The following AARSD1 variants were observed in gnomAD, a reference collection of about 807,000 sequenced individuals.
AARSD1 encodes alanyl-tRNA synthetase domain containing 1, also known as alanyl-tRNA editing protein Aarsd1.
A neutral mutation model predicts 48.7 loss-of-function variants in AARSD1; 44 were observed. The observed-to-expected ratio is 0.90, with a 90% confidence interval of 0.71 to 1.16. The LOEUF (loss-of-function observed/expected upper bound fraction) is 1.16. Ranked by LOEUF, AARSD1 falls within the 50% of genes most tolerant of loss-of-function variation. The pLI is 0.00. For synonymous variants in AARSD1, 189 were observed against 194.9 expected (o/e 0.97, Z 0.25); for missense variants, 511 against 523.1 (o/e 0.98, Z 0.23).
intron 3 of AARSD1, among the ~76,000 whole-genome samples, chr17:42,960,253 G>A (rs2049615996): frequency 6.6e-6 from 1 of 151,666 alleles, no homozygotes; most frequent in Admixed American, 6.6e-5. Context: ...GGGCGACAGA[G>A]CGAGACTCCA....
At chr17:42,961,101 C>T (rs1172722223) in intron 3 of AARSD1, 91 bp downstream of exon 3, 1 of 1,454,870 alleles carries the variant, frequency 6.9e-7, no homozygotes, top group African/African-American at 1.5e-5. Context: ...AAAAGGTTAA[C>T]TCCTAGAGAA....
At chr17:42,963,402 CA>C (rs902336400) in intron 2 of AARSD1, among the ~76,000 whole-genome samples, 137 of 131,342 alleles carry the variant, frequency 1.0e-3, no homozygotes, top group African/African-American at 1.7e-3. Context: ...GATTCTGTCT[CA>C]AAAAAAAAAA....
chr17:42,958,845 G>A (rs907611567), intron 3 of AARSD1, among the ~76,000 whole-genome samples: 2 of 151,540 alleles, frequency 1.3e-5, no homozygotes, highest in African/African-American at 4.8e-5. Context: ...TGGGATTACA[G>A]GCATGAGCCA....
intron 10 of AARSD1, among the ~76,000 whole-genome samples, chr17:42,952,819 CTTT>C (rs111718176): frequency 2.9e-5 from 4 of 138,472 alleles, no homozygotes; most frequent in Non-Finnish European, 6.3e-5. Flanking sequence ...CCTGTATTTA[CTTT>C]TTTTTTTTTT....
At chr17:42,954,248 C>G (rs7213940) in intron 9 of AARSD1, among the ~76,000 whole-genome samples, 2 of 152,012 alleles carry the variant, frequency 1.3e-5, no homozygotes, top group South Asian at 4.1e-4. Context: ...CCCAGCTACT[C>G]GGGAGGCTGA....
At chr17:42,957,373 C>G (rs936021851) in intron 3 of AARSD1, 178 bp from the exon 4 acceptor site, 1 of 655,430 alleles carries the variant, frequency 1.5e-6, no homozygotes, top group Non-Finnish European at 2.4e-6. Flanking sequence ...CTGCAAGAGG[C>G]CTTATGATAC....
At position 42,956,264 on chromosome 17, in the gene AARSD1, G is replaced by A. The variant is rs372546398; in HGVS notation, c.603C>T (p.Ile201=). The A allele has an allele frequency of 1.3e-5, 21 of 1,613,916 alleles. No individual in the cohort carries two copies. In the African/African-American group the frequency reaches 1.9e-4, roughly 14 times the overall value. ...DHAGPIRVVN[I]EGVDSNMCCG... ...AGCACATGTTGGAATCAACGCCCTC[G>A]ATGTTAACAACCCGAATGGGCCCAG... Residue 201 remains isoleucine, a synonymous_variant, in exon 6 of 12, where the codon ATC becomes ATT. Coordinates refer to ENST00000427569, the MANE Select transcript of AARSD1 (RefSeq NM_001261434.2).
At position 42,951,879 on chromosome 17, in the gene AARSD1, A is replaced by C. The variant is rs773355741; in HGVS notation, c.1024T>G (p.Leu342Val). 17 of 1,613,980 alleles carry C rather than the reference A, an allele frequency of 1.1e-5. No individual in the cohort carries two copies. Among genetic ancestry groups the C allele is most frequent in the Admixed American group, 3.3e-5 (2 of 59,990 alleles). The part of the protein sequence containing the change: ...EIGSEETLLF[L>V]TVGDEKGGGL... ...CCACCTTTCTCATCGCCCACAGTTA[A>C]GAACAGGAGGGTCTCCTAGGAGGTA... Residue 342 changes from leucine (L) to valine (V), a missense_variant, in exon 11 of 12, where the codon TTA becomes GTA. Transcript: ENST00000427569.
At chr17:42,962,795 C>T (rs2049656265) in intron 2 of AARSD1, among the ~76,000 whole-genome samples, 1 of 152,156 alleles carries the variant, frequency 6.6e-6, no homozygotes, top group Non-Finnish European at 1.5e-5. Context: ...CTTTGGGAGG[C>T]CAAGGTGGGA....
At chr17:42,958,971 A>G (rs1335975189) in intron 3 of AARSD1, among the ~76,000 whole-genome samples, 1 of 150,390 alleles carries the variant, frequency 6.6e-6, no homozygotes, top group Non-Finnish European at 1.5e-5. Context: ...GGCCGAGGCG[A>G]GCAGATCACA....
rs1178617957 is a variant in AARSD1, at chr17:42,961,246, C to A, written c.277G>T (p.Val93Phe). Residue 93 changes from valine (V) to phenylalanine (F), a missense_variant, in exon 3 of 12, where the codon GTT becomes TTT. Coordinates refer to ENST00000427569, the MANE Select transcript of AARSD1 (RefSeq NM_001261434.2). ...CGCTCCCAATCTACCCGGACCAGAA[C>A]CTGGCTTCCTGGATCCAGGGGTGTC... ...TQTPLDPGSQ[V>F]LVRVDWERRF... The A allele has an allele frequency of 1.9e-6, 3 of 1,614,124 alleles. No individual in the cohort carries two copies. Among genetic ancestry groups the A allele is most frequent in the Non-Finnish European group, 1.7e-6 (2 of 1,180,006 alleles).
intron 2 of AARSD1, among the ~76,000 whole-genome samples, chr17:42,963,274 T>C (rs2049663213): frequency 6.6e-6 from 1 of 150,608 alleles, no homozygotes; most frequent in African/African-American, 2.4e-5. Flanking sequence ...AGAGACAAGG[T>C]TTCATCATGT....
intron 10 of AARSD1, among the ~76,000 whole-genome samples, chr17:42,953,050 G>C (rs1460413838): frequency 6.6e-6 from 1 of 152,192 alleles, no homozygotes; most frequent in Non-Finnish European, 1.5e-5. Context: ...CACAATCTCA[G>C]CTCACTGCAA....
rs1403665705 is a variant in AARSD1, at chr17:42,955,874, A to G, written c.762T>C (p.His254=). ...NRVLKWMERS[H]GTEKALTALL... ...GAGCAGTCAGTGCTTTTTCAGTTCC[A>G]TGACTTCTCTCCATCCACTTCAGCA... Residue 254 remains histidine (H), a synonymous_variant, in exon 7 of 12, where the codon CAT becomes CAC. Coordinates refer to ENST00000427569, the MANE Select transcript of AARSD1 (RefSeq NM_001261434.2). The G allele has an allele frequency of 1.2e-6, 2 of 1,614,146 alleles. No individual in the cohort carries two copies. Among genetic ancestry groups the G allele is most frequent in the South Asian group, 2.2e-5 (2 of 91,082 alleles).
Position 42,956,562 on chromosome 17 carries a change from T to C in AARSD1, c.390-2A>G. The C allele has an allele frequency of 6.2e-7, 1 of 1,605,736 alleles. No homozygotes were observed. Among genetic ancestry groups the C allele is most frequent in the South Asian group, 1.1e-5 (1 of 90,258 alleles). On this transcript the variant is annotated splice_acceptor_variant, in intron 4 of 11. Transcript: ENST00000427569. LOFTEE classifies it high-confidence loss of function. ...GCACTCCGAAATCTCCCTAACTCCCTGTCAGAAGTACAGTGGCCACAGATA... is the reference window on the plus strand; with the variant it reads ...GCACTCCGAAATCTCCCTAACTCCCCGTCAGAAGTACAGTGGCCACAGATA...
Position 42,955,208 on chromosome 17 carries a change from G to C in AARSD1, c.811C>G (p.His271Asp). The C allele has an allele frequency of 6.2e-7, 1 of 1,613,968 alleles. No homozygotes were observed. The highest frequency in any genetic ancestry group is 1.1e-5 in the South Asian group (1 of 91,060). ...TALLKCGAED[H>D]VEAVKKLQNS... ...TGGAGCTTTTTCACTGCTTCCACAT[G>C]ATCCTCTGCTCCACACCTGAAAGAG... is the stretch of plus-strand genomic sequence containing the variant. Residue 271 changes from histidine to aspartate, a missense_variant, in exon 8 of 12, where the codon CAT becomes GAT. Physicochemically the swap from His to Asp is moderately conservative, Grantham distance 81 (BLOSUM62 -1). Coordinates refer to ENST00000427569, the MANE Select transcript of AARSD1 (RefSeq NM_001261434.2).
In AARSD1 at chr17:42,961,502, C is replaced by T. The variant is rs2049637801; in HGVS notation, c.172-151G>A. Reference sequence around the variant, plus strand: ...CAAGTGAAATGAGTCCACTTTGTTCCATGAGAGGATTCTCAGTCCTTTTCA... The same window carrying T: ...CAAGTGAAATGAGTCCACTTTGTTCTATGAGAGGATTCTCAGTCCTTTTCA... On this transcript the variant is annotated intron_variant, in intron 2 of 11. Transcript: ENST00000427569. The T allele has an allele frequency of 4.6e-6, 5 of 1,088,444 alleles. No homozygotes were observed. The East Asian group carries it at 1.3e-4, about 28-fold the overall frequency. The allele number at this position is 1,088,444 out of a possible 1,614,324, so 67.4% of individuals were successfully genotyped here. A position where few individuals can be genotyped will look rare whatever the true frequency, so the allele number is the denominator to read the frequency against.
chr17:42,956,130 C>T (rs1159552030), intron 6 of AARSD1, 74 bp downstream of exon 6: 2 of 1,611,386 alleles, frequency 1.2e-6, no homozygotes, highest in Non-Finnish European at 1.7e-6. Flanking sequence ...TCCCCCTCTC[C>T]CACTCCCAGC....
intron 10 of AARSD1, chr17:42,952,207 T>G: frequency 2.8e-6 from 1 of 353,500 alleles, no homozygotes; most frequent in Non-Finnish European, 5.4e-6. Flanking sequence ...TCCCTGCCAC[T>G]GCCTAAACCA....
Sources: allele counts gnomAD v4.1 joint callset (sites outside exome capture counted in the v4.1 genomes callset), GRCh38; gene constraint gnomAD v4.1.1; transcripts MANE v1.5; gene names NCBI Gene and HGNC (gene_info 2026-07-23, HGNC 2026-07-21).